ZNF718: variants seen among roughly 807,000 people sequenced by gnomAD.
The protein encoded by ZNF718 is zinc finger protein 718.
In ZNF718, 3 loss-of-function variants were observed where a neutral mutation model predicts 2.6. That is an observed-to-expected ratio of 1.16 (90% CI 0.53 to 3.01). The LOEUF (loss-of-function observed/expected upper bound fraction) is 3.01. Among genes scored for constraint, ZNF718 ranks in the 30% most tolerant of loss-of-function variants. The probability of loss-of-function intolerance (pLI) is 0.03; values close to 1 mark genes in which losing one functional copy is unlikely to be tolerated. For missense variants in ZNF718, 468 were observed against 230.0 expected (o/e 2.03, Z -6.69); for synonymous variants, 135 against 77.9 (o/e 1.73, Z -3.86).
chr4:188,096 A>C (rs1459482367), intron 3 of ZNF718, among the ~76,000 whole-genome samples: 1 of 152,192 alleles, frequency 6.6e-6, no homozygotes. Context: ...CATAAGCTGG[A>C]ATGGCTGAGT....
chr4:166,052 C>T, downstream of ZNF718, among the ~76,000 whole-genome samples: 1 of 152,150 alleles, frequency 6.6e-6, no homozygotes, highest in East Asian at 1.9e-4. Context: ...TTCCTGTGTC[C>T]ATGAGTTCTC....
At chr4:139,342 A>T (rs1715710688) in intron 3 of ZNF718, among the ~76,000 whole-genome samples, 1 of 152,094 alleles carries the variant, frequency 6.6e-6, no homozygotes, top group Non-Finnish European at 1.5e-5. Context: ...CTGAATATGG[A>T]TATTCAGTTT....
At chr4:138,261 A>G (rs561722242) in intron 3 of ZNF718, among the ~76,000 whole-genome samples, 1 of 152,274 alleles carries the variant, frequency 6.6e-6, no homozygotes, top group African/African-American at 2.4e-5. Context: ...CTACCCATTA[A>G]TCTTCCCCAC....
rs1553815516 is a variant in ZNF718, at chr4:161,997, T to G, written c.1312T>G (p.Leu438Val). Residue 438 changes from leucine (L) to valine (V), a missense_variant, in exon 4 of 4, where the codon TTG becomes GTG. Coordinates refer to ENST00000510175, the MANE Select transcript of ZNF718 (RefSeq NM_001039127.6). ...CAAAGCCTTTAAACAGTCCTCACAC[T>G]TGAATAAACATAAGAAAATTCACAC... is the stretch of plus-strand genomic sequence containing the variant. ...CGKAFKQSSH[L>V]NKHKKIHTVD... is the part of the protein sequence containing the mutation. The G allele has an allele frequency of 1.3e-6, 1 of 779,522 alleles. No individual in the cohort carries two copies. The highest frequency in any genetic ancestry group is 2.4e-6 in the Non-Finnish European group (1 of 417,278). The allele number at this position is 779,522 out of a possible 1,614,324, so 48.3% of individuals were successfully genotyped here.
At chr4:157,027 G>A (rs1553813794) in intron 3 of ZNF718, among the ~76,000 whole-genome samples, 1 of 148,748 alleles carries the variant, frequency 6.7e-6, no homozygotes. Context: ...AGCTTTGTAT[G>A]TGTTTTGAAA....
chr4:189,880 TA>T (rs1486964836), intron 3 of ZNF718, among the ~76,000 whole-genome samples: 58 of 152,340 alleles, frequency 3.8e-4, no homozygotes, highest in African/African-American at 1.3e-3. Context: ...CACTTTTTTC[TA>T]TTGTTCAAGT....
Position 161,742 on chromosome 4 carries a change from A to T in ZNF718, c.1057A>T (p.Thr353Ser). ...ECGKSFNRST[T>S]LTTHKRIHTG... ...TGGAAAATCCTTTAATAGGTCCACAACTCTTACGACACATAAGAGAATCCA... is the reference window on the plus strand; with the variant it reads ...TGGAAAATCCTTTAATAGGTCCACATCTCTTACGACACATAAGAGAATCCA... Residue 353 changes from threonine to serine, a missense_variant, in exon 4 of 4, where the codon ACT becomes TCT. Transcript: ENST00000510175. The T allele has an allele frequency of 1.3e-6, 1 of 778,384 alleles. No homozygotes were observed. The highest frequency in any genetic ancestry group is 1.3e-5 in the South Asian group (1 of 74,454). The allele number at this position is 778,384 out of a possible 1,614,324, so 48.2% of individuals were successfully genotyped here. A position where few individuals can be genotyped will look rare whatever the true frequency, so the allele number is the denominator to read the frequency against.
chr4:199,104 G>A (rs1553822415), intron 3 of ZNF718, among the ~76,000 whole-genome samples: 1 of 152,208 alleles, frequency 6.6e-6, no homozygotes, highest in Non-Finnish European at 1.5e-5. Flanking sequence ...AAGGCAAGCT[G>A]GCTGGGTTTA....
At chr4:183,756 C>A (rs1393034206) in intron 3 of ZNF718, among the ~76,000 whole-genome samples, 1 of 151,976 alleles carries the variant, frequency 6.6e-6, no homozygotes, top group African/African-American at 2.4e-5. Context: ...GTATTGTATT[C>A]TTTTTGTGGC....
At chr4:143,133 C>T (rs1553810552) in intron 3 of ZNF718, among the ~76,000 whole-genome samples, 1 of 152,150 alleles carries the variant, frequency 6.6e-6, no homozygotes, top group African/African-American at 2.4e-5. Flanking sequence ...CTGAGAGTGG[C>T]TCTAAGGCCC....
At chr4:136,512 C>A in intron 3 of ZNF718, 1 of 521,876 alleles carries the variant, frequency 1.9e-6, no homozygotes, top group South Asian at 1.4e-5. Flanking sequence ...CATGTTTTAT[C>A]TGCAGCCATG....
downstream of ZNF718, among the ~76,000 whole-genome samples, chr4:166,716 A>G (rs1717095969): frequency 6.6e-6 from 1 of 151,418 alleles, no homozygotes; most frequent in Admixed American, 6.6e-5. Flanking sequence ...TTTTCTTGTA[A>G]ATTTGTTTGA....
At chr4:135,407 G>C (rs892033223) in intron 3 of ZNF718, among the ~76,000 whole-genome samples, 3 of 151,984 alleles carry the variant, frequency 2.0e-5, no homozygotes, top group African/African-American at 7.2e-5. Flanking sequence ...ATGTACATTG[G>C]TTCCATCTTG....
At chr4:188,684 G>A (rs1328945126) in intron 3 of ZNF718, among the ~76,000 whole-genome samples, 1 of 152,160 alleles carries the variant, frequency 6.6e-6, no homozygotes, top group East Asian at 1.9e-4. Flanking sequence ...TGTGTGTCAG[G>A]CCCAAGGCCC....
chr4:130,342 T>C lies in ZNF718; in HGVS notation c.4-446T>C, dbSNP rs1190406378. 2.0e-3 allele frequency among the ~76,000 whole-genome samples: 206 copies of C among 104,204 alleles called. 58 individuals carry two copies. The highest frequency in any genetic ancestry group is 6.4e-3 in the African/African-American group (194 of 30,106). The allele number at this position is 104,204 out of a possible 152,430, so 68.4% of individuals were successfully genotyped here. ...GCATTTTGAACCTTAGAGGCAATGC[T>C]TGGCTGAGTGACTCTTAGCCCAGTC... is the stretch of plus-strand genomic sequence containing the variant. On this transcript the variant is annotated intron_variant, in intron 1 of 3. Coordinates refer to ENST00000510175, the MANE Select transcript of ZNF718 (RefSeq NM_001039127.6).
chr4:198,797 CT>C, intron 3 of ZNF718, among the ~76,000 whole-genome samples: 1 of 152,288 alleles, frequency 6.6e-6, no homozygotes, highest in African/African-American at 2.4e-5. Flanking sequence ...GAATTTTAGA[CT>C]TTTCAAGGAC....
intron 3 of ZNF718, among the ~76,000 whole-genome samples, chr4:199,540 A>T (rs1048682984): frequency 1.3e-5 from 2 of 152,234 alleles, no homozygotes; most frequent in Non-Finnish European, 2.9e-5. Flanking sequence ...ACCCAGAGAG[A>T]TGCCTTCCTA....
At chr4:181,561 T>C (rs1717464003) in intron 3 of ZNF718, among the ~76,000 whole-genome samples, 1 of 152,146 alleles carries the variant, frequency 6.6e-6, no homozygotes, top group African/African-American at 2.4e-5. Context: ...TTAAAATTTC[T>C]TGGCATCTTT....
At chr4:189,262 G>C (rs782303529) in intron 3 of ZNF718, among the ~76,000 whole-genome samples, 1 of 151,586 alleles carries the variant, frequency 6.6e-6, no homozygotes, top group East Asian at 1.9e-4. Flanking sequence ...TGATCATAAC[G>C]TTTCTTATTG....
Sources: gnomAD v4.1 joint callset for allele counts (sites outside exome capture counted in the v4.1 genomes callset) on GRCh38, gnomAD v4.1.1 for gene constraint, MANE v1.5 for transcripts, NCBI Gene and HGNC (gene_info 2026-07-23, HGNC 2026-07-21) for gene names.